Variants in LRRTM4 observed in about 807,000 individuals in gnomAD.
LRRTM4 encodes the protein leucine-rich repeat transmembrane neuronal protein 4.
In LRRTM4, 25 loss-of-function variants were observed where a neutral mutation model predicts 47.6. The observed-to-expected ratio is 0.53, with a 90% CI of 0.38 to 0.73. The LOEUF (loss-of-function observed/expected upper bound fraction) is 0.73. LRRTM4 is among the 30% of genes least tolerant of loss of function. The pLI, the probability that LRRTM4 is intolerant of heterozygous loss-of-function variation, is 0.00. For synonymous variants in LRRTM4, 311 were observed against 269.5 expected (o/e 1.15, Z -1.51); for missense variants, 638 against 713.4 (o/e 0.89, Z 1.20).
chr2:77,338,369 T>C (rs1005575717), intron 3 of LRRTM4, among the ~76,000 whole-genome samples: 11 of 152,000 alleles, frequency 7.2e-5, no homozygotes, highest in Non-Finnish European at 1.5e-4. Context: ...TCAGAATCTA[T>C]AAGAAACTTA....
intron 3 of LRRTM4, among the ~76,000 whole-genome samples, chr2:77,470,801 A>G (rs1344036187): frequency 2.0e-5 from 3 of 152,282 alleles, no homozygotes; most frequent in Admixed American, 2.0e-4. Flanking sequence ...CATTTAGATT[A>G]TATGGATTAG....
At chr2:77,216,499 C>T (rs1026743406) in intron 3 of LRRTM4, among the ~76,000 whole-genome samples, 1 of 151,044 alleles carries the variant, frequency 6.6e-6, no homozygotes, top group African/African-American at 2.4e-5. Context: ...ACACCAATCT[C>T]AGCTCACTGT....
At chr2:76,850,752 C>A (rs745484750) in intron 3 of LRRTM4, among the ~76,000 whole-genome samples, 10 of 151,998 alleles carry the variant, frequency 6.6e-5, no homozygotes, top group African/African-American at 1.2e-4. Flanking sequence ...AGCACCTGAT[C>A]CAATATAATA....
chr2:77,270,705 T>C (rs1676168438), intron 3 of LRRTM4, among the ~76,000 whole-genome samples: 1 of 152,160 alleles, frequency 6.6e-6, no homozygotes. Context: ...ATGTCTCTGG[T>C]AAATTCCCAT....
chr2:77,047,099 A>G (rs963410925), intron 3 of LRRTM4, among the ~76,000 whole-genome samples: 2 of 152,042 alleles, frequency 1.3e-5, no homozygotes, highest in African/African-American at 4.8e-5. Context: ...ACCAGAAATT[A>G]TTGTTCTGGG....
At chr2:77,112,130 T>C (rs1039979195) in intron 3 of LRRTM4, among the ~76,000 whole-genome samples, 1 of 152,180 alleles carries the variant, frequency 6.6e-6, no homozygotes, top group South Asian at 2.1e-4. Flanking sequence ...AATCTGGGGC[T>C]ATTTCTAAGG....
intron 3 of LRRTM4, among the ~76,000 whole-genome samples, chr2:76,777,811 TGA>T (rs1232122046): frequency 4.8e-5 from 6 of 124,120 alleles, no homozygotes; most frequent in Non-Finnish European, 1.0e-4. Context: ...ATAGGAGTGG[TGA>T]GAGAGGGCAT....
intron 3 of LRRTM4, among the ~76,000 whole-genome samples, chr2:77,455,533 G>A (rs1676498386): frequency 6.6e-6 from 1 of 151,732 alleles, no homozygotes; most frequent in Non-Finnish European, 1.5e-5. Context: ...CCTAAAGAGG[G>A]GTACATATAC....
intron 3 of LRRTM4, among the ~76,000 whole-genome samples, chr2:76,978,163 C>T (rs561990844): frequency 6.6e-6 from 1 of 152,128 alleles, no homozygotes; most frequent in East Asian, 1.9e-4. Context: ...CCATACTATT[C>T]TCCCCCTTGG....
intron 3 of LRRTM4, among the ~76,000 whole-genome samples, chr2:77,116,662 T>G (rs1019185024): frequency 1.1e-4 from 17 of 152,178 alleles, no homozygotes; most frequent in African/African-American, 3.4e-4. Flanking sequence ...ATCCAGAGCC[T>G]GACAAGATTC....
chr2:77,318,862 A>AT (rs202091482), intron 3 of LRRTM4, among the ~76,000 whole-genome samples: 4,756 of 147,484 alleles, frequency 0.032, 253 homozygotes, highest in African/African-American at 0.11. Flanking sequence ...AGTGTTGTAG[A>AT]TTTTTTAAAT....
At chr2:77,477,618 G>A (rs1453527156) in intron 3 of LRRTM4, among the ~76,000 whole-genome samples, 3 of 151,962 alleles carry the variant, frequency 2.0e-5, no homozygotes, top group East Asian at 3.9e-4. Flanking sequence ...CGAGGTGGAC[G>A]GATGACCTGA....
intron 3 of LRRTM4, among the ~76,000 whole-genome samples, chr2:77,120,811 C>G (rs938803913): frequency 6.6e-6 from 1 of 151,790 alleles, no homozygotes; most frequent in East Asian, 1.9e-4. Flanking sequence ...ATTCACTTCA[C>G]TGATGCATGG....
intron 3 of LRRTM4, among the ~76,000 whole-genome samples, chr2:77,287,181 G>A (rs1018422285): frequency 6.6e-6 from 1 of 151,986 alleles, no homozygotes; most frequent in Admixed American, 6.6e-5. Flanking sequence ...TTACTGAGGA[G>A]ACAAGCAGAA....
chr2:76,826,633 G>A (rs890893104), intron 3 of LRRTM4, among the ~76,000 whole-genome samples: 1 of 151,652 alleles, frequency 6.6e-6, no homozygotes, highest in African/African-American at 2.4e-5. Context: ...TTAAATGAAC[G>A]ACATTAAGCT....
intron 3 of LRRTM4, among the ~76,000 whole-genome samples, chr2:77,097,730 A>T (rs1470757813): frequency 1.3e-5 from 2 of 152,006 alleles, no homozygotes; most frequent in Non-Finnish European, 2.9e-5. Flanking sequence ...TGTTGTGGGG[A>T]AAAACATGTG....
chr2:77,495,692 T>C, intron 3 of LRRTM4, among the ~76,000 whole-genome samples: 1 of 152,014 alleles, frequency 6.6e-6, no homozygotes, highest in African/African-American at 2.4e-5. Flanking sequence ...CAGTTGTCCA[T>C]ATATGTGTGG....
intron 3 of LRRTM4, among the ~76,000 whole-genome samples, chr2:77,455,062 C>A (rs1458433197): frequency 6.6e-6 from 1 of 152,004 alleles, no homozygotes; most frequent in Non-Finnish European, 1.5e-5. Context: ...GTGGCACACA[C>A]CTGTAATCTC....
chr2:77,445,691 A>G (rs949098636), intron 3 of LRRTM4, among the ~76,000 whole-genome samples: 2 of 151,952 alleles, frequency 1.3e-5, no homozygotes, highest in African/African-American at 4.8e-5. Context: ...GTTACAATAC[A>G]TTTGGGGTCC....
Sources: gnomAD v4.1 joint callset for allele counts (sites outside exome capture counted in the v4.1 genomes callset) on GRCh38, gnomAD v4.1.1 for gene constraint, MANE v1.5 for transcripts, NCBI Gene and HGNC (gene_info 2026-07-23, HGNC 2026-07-21) for gene names.